The following GBF1 variants were observed in gnomAD, a reference collection of about 807,000 sequenced individuals.
GBF1 encodes Golgi-specific brefeldin A-resistance guanine nucleotide exchange factor 1.
A neutral mutation model predicts 210.5 loss-of-function variants in GBF1; 114 were observed. The observed-to-expected ratio is 0.54, with a 90% CI of 0.47 to 0.63. GBF1 has a LOEUF of 0.63. Ranked by LOEUF, GBF1 falls within the 30% of genes least tolerant of loss-of-function variation. The pLI is 0.00. For synonymous variants in GBF1, 850 were observed against 889.2 expected (o/e 0.96, Z 0.78); for missense variants, 1,851 against 2,357.7 (o/e 0.79, Z 4.45).
chr10:102,288,128 A>G (rs2076115939), intron 3 of GBF1, among the ~76,000 whole-genome samples: 1 of 152,110 alleles, frequency 6.6e-6, no homozygotes, highest in African/African-American at 2.4e-5. Context: ...AGCATGATCG[A>G]TCTACCTCCT....
chr10:102,260,082 C>T lies in GBF1; in HGVS notation c.129C>T (p.Phe43=), dbSNP rs577447540. Residue 43 remains phenylalanine, a synonymous_variant, in exon 3 of 40, where the codon TTC becomes TTT. Transcript: ENST00000369983. ...DEERDPLLHS[F]GHLKEVLNSI... The stretch of plus-strand genomic sequence containing the variant: ...AACGGGATCCTCTGCTGCATAGTTT[C>T]GGTCATCTAAAGGAGGTTTTAAACA... The T allele has an allele frequency of 6.7e-5, 106 of 1,590,032 alleles. No homozygotes were observed. Among genetic ancestry groups the T allele is most frequent in the Middle Eastern group, 1.7e-4 (1 of 5,994 alleles).
intron 4 of GBF1, among the ~76,000 whole-genome samples, chr10:102,350,530 C>T (rs1158458362): frequency 6.6e-6 from 1 of 152,096 alleles, no homozygotes; most frequent in African/African-American, 2.4e-5. Context: ...AGGCCACAAG[C>T]TTTGGCCCTA....
At chr10:102,358,485 G>T (rs759928680) in intron 9 of GBF1, 21 bp from the exon 10 acceptor site, 1 of 1,556,918 alleles carries the variant, frequency 6.4e-7, no homozygotes, top group African/African-American at 1.4e-5. Context: ...TCCTTCAAGC[G>T]TCACATACTT....
chr10:102,349,406 C>T (rs1238880504), intron 4 of GBF1, among the ~76,000 whole-genome samples: 11 of 151,912 alleles, frequency 7.2e-5, no homozygotes, highest in Admixed American at 5.2e-4. Context: ...GTGGCAGGCA[C>T]CTGTAATCCC....
chr10:102,364,007 C>T (rs1203464118), intron 17 of GBF1, among the ~76,000 whole-genome samples: 2 of 151,952 alleles, frequency 1.3e-5, no homozygotes, highest in African/African-American at 4.8e-5. Context: ...CTATGTATGC[C>T]CCTGCGCAAA....
At chr10:102,350,268 T>C (rs1303147155) in intron 4 of GBF1, among the ~76,000 whole-genome samples, 2 of 151,712 alleles carry the variant, frequency 1.3e-5, no homozygotes, top group African/African-American at 4.8e-5. Context: ...GAGAATCGCT[T>C]GAACCTAGGA....
rs375891354 is a variant in GBF1 at position 102,344,195 on chromosome 10, G to A, written c.295+13G>A. The A allele has an allele frequency of 6.2e-7, 1 of 1,613,590 alleles. No individual in the cohort carries two copies. Among genetic ancestry groups the A allele is most frequent in the Admixed American group, 1.7e-5 (1 of 60,008 alleles). ...TATGCACTCATAGGTAAGAGCTCAGGCTTTGTTGCATGACCACAGCACTTC... is the reference window on the plus strand; with the variant it reads ...TATGCACTCATAGGTAAGAGCTCAGACTTTGTTGCATGACCACAGCACTTC... On this transcript the variant is annotated intron_variant, in intron 4 of 39. Transcript: ENST00000369983.
intron 3 of GBF1, among the ~76,000 whole-genome samples, chr10:102,334,839 ACTT>A (rs1014309929): frequency 6.6e-6 from 1 of 150,954 alleles, no homozygotes; most frequent in Non-Finnish European, 1.5e-5. Flanking sequence ...ACAGAGCGAG[ACTT>A]CGTCTCAAAA....
At chr10:102,349,741 C>A (rs1161409032) in intron 4 of GBF1, among the ~76,000 whole-genome samples, 3 of 152,130 alleles carry the variant, frequency 2.0e-5, no homozygotes, top group African/African-American at 7.2e-5. Context: ...TCAGAGCAGA[C>A]CTAGGGCAGG....
In GBF1 at chr10:102,344,069, C is replaced by A; in HGVS notation, c.182C>A (p.Pro61His). The part of the protein sequence containing the change: ...NSITELSEIE[P>H]NVFLRPFLEV... ...CTTGCAGAACTCTCAGAAATTGAGC[C>A]CAATGTATTCCTTCGACCTTTTCTG... The change falls in exon 4 of 40, where the codon CCC becomes CAC. Residue 61 changes from proline (P) to histidine (H), a missense_variant. This residue lies in a region of GBF1 where 804 missense variants were observed against 958.6 expected (regional missense o/e 0.84). Coordinates refer to ENST00000369983, the MANE Select transcript of GBF1 (RefSeq NM_001377137.1). 6.2e-7 allele frequency: 1 copy of A among 1,612,344 alleles called. No homozygotes were observed. Among genetic ancestry groups the A allele is most frequent in the Middle Eastern group, 1.6e-4 (1 of 6,062 alleles).
At chr10:102,277,878 T>G (rs761414177) in intron 3 of GBF1, among the ~76,000 whole-genome samples, 3 of 152,190 alleles carry the variant, frequency 2.0e-5, no homozygotes, top group Non-Finnish European at 4.4e-5. Context: ...CAAATTACAT[T>G]AGTTGTCATG....
chr10:102,349,219 C>T (rs1392884825), intron 4 of GBF1, among the ~76,000 whole-genome samples: 2 of 151,998 alleles, frequency 1.3e-5, no homozygotes. Flanking sequence ...CTCAGGAACT[C>T]TCTGATTTCA....
At chr10:102,291,386 T>C (rs1190213793) in intron 3 of GBF1, among the ~76,000 whole-genome samples, 2 of 152,070 alleles carry the variant, frequency 1.3e-5, no homozygotes, top group South Asian at 2.1e-4. Context: ...CTGTCCATGA[T>C]AGGAGGGGAG....
At chr10:102,290,427 G>T (rs2076337640) in intron 3 of GBF1, among the ~76,000 whole-genome samples, 1 of 151,892 alleles carries the variant, frequency 6.6e-6, no homozygotes, top group African/African-American at 2.4e-5. Context: ...TTTAAATTTT[G>T]ATTCATTATA....
chr10:102,303,194 G>T (rs1455391673), intron 3 of GBF1, among the ~76,000 whole-genome samples: 1 of 152,006 alleles, frequency 6.6e-6, no homozygotes, highest in Admixed American at 6.5e-5. Context: ...CACCATGTTG[G>T]CCAGGCTGGT....
At chr10:102,240,621 C>G (rs2070509427), upstream of GBF1, among the ~76,000 whole-genome samples, 11 of 152,234 alleles carry the variant, frequency 7.2e-5, no homozygotes, top group Admixed American at 5.9e-4. Context: ...GAGAGACCCA[C>G]TTCGCTACCC....
chr10:102,312,461 G>A (rs2078548696), intron 3 of GBF1, among the ~76,000 whole-genome samples: 1 of 152,116 alleles, frequency 6.6e-6, no homozygotes, highest in Non-Finnish European at 1.5e-5. Flanking sequence ...TGGATAACCT[G>A]GCACCCAGCC....
intron 1 of GBF1, among the ~76,000 whole-genome samples, chr10:102,254,421 A>T (rs1184213416): frequency 6.6e-5 from 10 of 152,214 alleles, no homozygotes. Context: ...AAGAGATTTC[A>T]AGTTTTGCTT....
intron 3 of GBF1, among the ~76,000 whole-genome samples, chr10:102,331,016 G>A (rs1337680620): frequency 6.6e-6 from 1 of 152,066 alleles, no homozygotes; most frequent in Non-Finnish European, 1.5e-5. Flanking sequence ...GCAAGGAGAC[G>A]ATGGCAAAAA....
Sources: allele counts gnomAD v4.1 joint callset (sites outside exome capture counted in the v4.1 genomes callset), GRCh38; gene constraint gnomAD v4.1.1; regional missense constraint gnomAD v4.1.1; transcripts MANE v1.5; gene names NCBI Gene and HGNC (gene_info 2026-07-23, HGNC 2026-07-21).